PDZD2: variants seen among roughly 807,000 people sequenced by gnomAD.
PDZD2 encodes PDZ domain containing 2, also known as PDZ domain-containing protein 2.
Under a neutral mutation model 220.7 loss-of-function variants are expected in PDZD2, and 90 were observed. The ratio of observed to expected loss-of-function variants is 0.41; its 90% CI spans 0.34 to 0.49. The LOEUF (loss-of-function observed/expected upper bound fraction) is 0.49, where lower values mean the gene tolerates loss of function less well. PDZD2 is among the 20% of genes least tolerant of loss of function. The pLI, the probability that PDZD2 is intolerant of heterozygous loss-of-function variation, is 0.28. For missense variants in PDZD2, 3,174 were observed against 3,608.5 expected (o/e 0.88, Z 3.08); for synonymous variants, 1,375 against 1,450.5 (o/e 0.95, Z 1.18).
rs747107982 is a variant in PDZD2 at position 32,089,274 on chromosome 5, C to T, written c.5826C>T (p.Asp1942=). ...GGCTCCATGTAGCCGACCACGAGGACCCTGACAGAAACACCACAGCTGCCC... is the reference window on the plus strand; with the variant it reads ...GGCTCCATGTAGCCGACCACGAGGATCCTGACAGAAACACCACAGCTGCCC... ...SQRLHVADHE[D]PDRNTTAAPR... Residue 1942 remains aspartate, a synonymous_variant, in exon 20 of 25, where the codon GAC becomes GAT. Transcript: ENST00000438447. 2.5e-5 allele frequency: 40 copies of T among 1,614,198 alleles called. No individual in the cohort carries two copies. In the South Asian group the frequency reaches 3.7e-4, roughly 15 times the overall value.
intron 2 of PDZD2, among the ~76,000 whole-genome samples, chr5:31,882,722 C>A (rs1281567378): frequency 1.3e-5 from 2 of 151,898 alleles, no homozygotes; most frequent in Non-Finnish European, 1.5e-5. Context: ...TTATTGAAAC[C>A]TACAATTTAA....
At chr5:31,674,716 C>T (rs938594955) in intron 1 of PDZD2, among the ~76,000 whole-genome samples, 12 of 152,134 alleles carry the variant, frequency 7.9e-5, no homozygotes, top group African/African-American at 2.9e-4. Flanking sequence ...GGAGAGGGAA[C>T]AAGTCTGGGG....
intron 1 of PDZD2, among the ~76,000 whole-genome samples, chr5:31,688,806 T>C (rs1021055079): frequency 6.6e-6 from 1 of 152,176 alleles, no homozygotes; most frequent in East Asian, 1.9e-4. Context: ...CTTGAGAGCA[T>C]TGGGTTTCCC....
chr5:32,053,932 GA>G (rs1738836498), intron 10 of PDZD2, 49 bp downstream of exon 10: 1 of 1,055,914 alleles, frequency 9.5e-7, no homozygotes, highest in Non-Finnish European at 1.5e-6. Context: ...TTGATCCCAT[GA>G]GAATCTGCCT....
At chr5:32,034,083 G>C (rs1434036438) in intron 6 of PDZD2, among the ~76,000 whole-genome samples, 3 of 152,090 alleles carry the variant, frequency 2.0e-5, no homozygotes, top group Admixed American at 2.0e-4. Flanking sequence ...AAATGTCTCT[G>C]ATCCTATGAA....
At chr5:31,832,427 T>C (rs898881909) in intron 2 of PDZD2, 1 of 152,220 alleles carries the variant, frequency 6.6e-6, no homozygotes, top group Non-Finnish European at 1.5e-5. Context: ...TTGCTTAAAA[T>C]AATTAAAAAG....
chr5:31,794,747 T>A (rs567906883), intron 1 of PDZD2, among the ~76,000 whole-genome samples: 1 of 152,286 alleles, frequency 6.6e-6, no homozygotes, highest in South Asian at 2.1e-4. Flanking sequence ...TTATTTTTAA[T>A]TTTTGTGGGT....
chr5:32,097,524 G>GA, intron 22 of PDZD2, 144 bp downstream of exon 22: 1 of 661,566 alleles, frequency 1.5e-6, no homozygotes, highest in South Asian at 1.8e-5. Flanking sequence ...AGAAGTGGGA[G>GA]AAGTAGTACG....
chr5:32,095,766 A>G (rs1377063502), intron 21 of PDZD2, among the ~76,000 whole-genome samples: 2 of 135,136 alleles, frequency 1.5e-5, no homozygotes, highest in African/African-American at 5.7e-5. Context: ...CTTGAGATGG[A>G]GTCTCGCTCT....
chr5:31,702,365 G>T (rs935471178), intron 1 of PDZD2, among the ~76,000 whole-genome samples: 2 of 152,216 alleles, frequency 1.3e-5, no homozygotes, highest in African/African-American at 4.8e-5. Flanking sequence ...TTAAAGCTGG[G>T]TTTGACATAG....
rs1745022820 is a variant in PDZD2, at chr5:32,108,494, T to C, written c.*359T>C. 6.4e-6 allele frequency: 1 copy of C among 157,318 alleles called. No individual in the cohort carries two copies. The highest frequency in any genetic ancestry group is 1.4e-5 in the Non-Finnish European group (1 of 71,308). 9.7% of individuals were successfully genotyped at this position (157,318 alleles called of 1,614,324 possible). ...TTCCTTCTTGCCAGCTCTCCCAACA[T>C]ACCCAATCCTGGTGATCAGGGAACT... On this transcript the variant is annotated 3_prime_UTR_variant, in exon 25 of 25. Transcript: ENST00000438447.
chr5:31,698,274 C>T (rs3101886), intron 1 of PDZD2, among the ~76,000 whole-genome samples: 67,573 of 148,424 alleles, frequency 0.46, 15,977 homozygotes, highest in East Asian at 0.63. Context: ...ACGAATTTTA[C>T]TAGGTTCTGC....
At chr5:31,863,725 A>G (rs577155019) in intron 2 of PDZD2, among the ~76,000 whole-genome samples, 1 of 152,194 alleles carries the variant, frequency 6.6e-6, no homozygotes, top group Non-Finnish European at 1.5e-5. Context: ...CTCTGTAAGT[A>G]TACCATTCCT....
At chr5:32,067,009 T>C (rs1279064611) in intron 14 of PDZD2, among the ~76,000 whole-genome samples, 1 of 152,280 alleles carries the variant, frequency 6.6e-6, no homozygotes, top group Non-Finnish European at 1.5e-5. Flanking sequence ...TGTAACCTCA[T>C]GCTGTATTTT....
intron 1 of PDZD2, among the ~76,000 whole-genome samples, chr5:31,729,515 T>C (rs1749388561): frequency 1.3e-5 from 2 of 152,228 alleles, no homozygotes; most frequent in Non-Finnish European, 2.9e-5. Context: ...CAGATCACAC[T>C]GCCTGTATAG....
At chr5:32,039,760 C>G (rs1561419936) in intron 7 of PDZD2, among the ~76,000 whole-genome samples, 1 of 133,086 alleles carries the variant, frequency 7.5e-6, no homozygotes, top group African/African-American at 3.0e-5. Flanking sequence ...GCCACCCCGT[C>G]TAGGAAGTGA....
chr5:31,645,578 G>C (rs1376482530), intron 1 of PDZD2, among the ~76,000 whole-genome samples: 1 of 152,040 alleles, frequency 6.6e-6, no homozygotes, highest in Non-Finnish European at 1.5e-5. Context: ...CTTGTGATCC[G>C]CCTGCCTTGG....
intron 2 of PDZD2, among the ~76,000 whole-genome samples, chr5:31,870,509 C>G (rs1738689565): frequency 6.6e-6 from 1 of 152,108 alleles, no homozygotes; most frequent in South Asian, 2.1e-4. Flanking sequence ...TTTAAAAAAT[C>G]TAGTAATATC....
rs536389633 is a variant in PDZD2 at position 31,660,340 on chromosome 5, T to A, written c.-361+20903T>A. 5.9e-5 allele frequency among the ~76,000 whole-genome samples: 9 copies of A among 152,296 alleles called. No homozygotes were observed. The East Asian group carries it at 1.4e-3, about 23-fold the overall frequency. ...TTATAACAAGTAATTCTTTTAAAAATTTTTTTATAAAAAAATTTTTTAGAG... is the reference window on the plus strand; with the variant it reads ...TTATAACAAGTAATTCTTTTAAAAAATTTTTTATAAAAAAATTTTTTAGAG... On this transcript the variant is annotated intron_variant, in intron 1 of 24. Coordinates refer to ENST00000438447, the MANE Select transcript of PDZD2 (RefSeq NM_178140.4).
Sources: gnomAD v4.1 joint callset for allele counts (sites outside exome capture counted in the v4.1 genomes callset) on GRCh38, gnomAD v4.1.1 for gene constraint, MANE v1.5 for transcripts, NCBI Gene and HGNC (gene_info 2026-07-23, HGNC 2026-07-21) for gene names.